FLNB: variants seen among roughly 807,000 people sequenced by gnomAD.
FLNB encodes the protein filamin-B.
In FLNB, 111 loss-of-function variants were observed where a neutral mutation model predicts 250.6. The observed-to-expected ratio is 0.44, with a 90% confidence interval of 0.38 to 0.52. The LOEUF (loss-of-function observed/expected upper bound fraction) is 0.52. Ranked by LOEUF, FLNB falls within the 20% of genes least tolerant of loss-of-function variation. FLNB has a pLI of 0.00. For missense variants in FLNB, 2,869 were observed against 3,447.8 expected (o/e 0.83, Z 4.20); for synonymous variants, 1,302 against 1,372.1 (o/e 0.95, Z 1.13).
At position 58,169,438 on chromosome 3, in the gene FLNB, A is replaced by G; in HGVS notation, c.7418-152A>G. ...GTGGGATCCTAGGGGTTTAGAAGAC[A>G]TTATGGGTGTGAGATACAGGTGTGG... On this transcript the variant is annotated intron_variant, in intron 44 of 45. Transcript: ENST00000295956. This position sits in a 1 kb window ranked among gnomAD's most constrained non-coding sequence, Gnocchi z 4.8. 5 of 704,510 alleles carry G rather than the reference A, an allele frequency of 7.1e-6. No individual in the cohort carries two copies. The highest frequency in any genetic ancestry group is 4.4e-5 in the South Asian group (3 of 68,208). 43.6% of individuals were successfully genotyped at this position (704,510 alleles called of 1,614,324 possible). A position where few individuals can be genotyped will look rare whatever the true frequency, so the allele number is the denominator to read the frequency against.
intron 41 of FLNB, 105 bp from the exon 42 acceptor site, chr3:58,159,449 C>T (rs540451502): frequency 2.1e-4 from 242 of 1,155,316 alleles, no homozygotes; most frequent in Non-Finnish European, 3.0e-4. Context: ...TATAGAAAAA[C>T]CTATTTGCAT....
chr3:58,108,574 A>G lies in FLNB; in HGVS notation c.2055+3A>G. On this transcript the variant is annotated splice_donor_region_variant and intron_variant, in intron 13 of 45. Transcript: ENST00000295956. ...CTCCCTTAAAGATATTTGCTCAGGT[A>G]AATTTCAGGGGGCCACCTGTGCAGG... 1 of 1,586,794 alleles carries G rather than the reference A, an allele frequency of 6.3e-7. No homozygotes were observed. Among genetic ancestry groups the G allele is most frequent in the Non-Finnish European group, 8.7e-7 (1 of 1,155,092 alleles).
intron 1 of FLNB, among the ~76,000 whole-genome samples, chr3:58,066,608 G>T (rs1380392582): frequency 6.6e-6 from 1 of 152,204 alleles, no homozygotes; most frequent in Non-Finnish European, 1.5e-5. Context: ...AAAGTGGTAA[G>T]ATAGTTACTG....
intron 1 of FLNB, among the ~76,000 whole-genome samples, chr3:58,024,429 C>G (rs542196022): frequency 6.6e-6 from 1 of 152,274 alleles, no homozygotes; most frequent in African/African-American, 2.4e-5. Context: ...TCATGCTCCC[C>G]ACCAACCTCC....
intron 20 of FLNB, 57 bp from the exon 21 acceptor site, chr3:58,123,036 C>A: frequency 1.4e-6 from 2 of 1,472,380 alleles, no homozygotes; most frequent in Non-Finnish European, 1.9e-6. Flanking sequence ...GTGTTGAAAG[C>A]AGTGCTGGCT....
At chr3:58,010,779 G>A (rs918028583) in intron 1 of FLNB, among the ~76,000 whole-genome samples, 1 of 152,100 alleles carries the variant, frequency 6.6e-6, no homozygotes, top group Non-Finnish European at 1.5e-5. Context: ...ATCACAGACT[G>A]CCTGATCTAC....
At chr3:58,045,327 A>C (rs1408477601) in intron 1 of FLNB, among the ~76,000 whole-genome samples, 1 of 152,214 alleles carries the variant, frequency 6.6e-6, no homozygotes, top group Non-Finnish European at 1.5e-5. Flanking sequence ...TGCAATGCTG[A>C]GTATGAGTTT....
intron 4 of FLNB, among the ~76,000 whole-genome samples, chr3:58,094,583 T>G (rs562917174): frequency 6.6e-6 from 1 of 152,378 alleles, no homozygotes; most frequent in African/African-American, 2.4e-5. Flanking sequence ...AACCACATTA[T>G]TTCCACAATT....
chr3:58,112,334 C>T lies in FLNB; in HGVS notation c.2745+16C>T, dbSNP rs772940236. ...CACCCAACAGGTAGGGTCCTTCTCC[C>T]CTCTGCTCCCCTGGCCCCCAGCCAG... On this transcript the variant is annotated intron_variant, in intron 18 of 45. Transcript: ENST00000295956. The T allele has an allele frequency of 3.1e-6, 5 of 1,611,638 alleles. No homozygotes were observed. The highest frequency in any genetic ancestry group is 4.2e-6 in the Non-Finnish European group (5 of 1,179,132).
rs1238135005 is a variant in FLNB, at chr3:58,148,807, C to T, written c.6046C>T (p.Arg2016Trp). ...CTATGGCCGCGGCCTGTCAGAAGGC[C>T]GGACTTTCGAGATGTCTGACTTCAT... ...KVYGRGLSEG[R>W]TFEMSDFIVD... The change falls in exon 36 of 46, where the codon CGG becomes TGG. Residue 2016 changes from arginine (R) to tryptophan (W), a missense_variant. By Grantham distance (101) the Arg-to-Trp change is moderately radical (BLOSUM62 -3). This residue lies in a region of FLNB where 1,084 missense variants were observed against 1,315.5 expected (regional missense o/e 0.82). Transcript: ENST00000295956. The T allele has an allele frequency of 3.7e-6, 6 of 1,613,902 alleles. No homozygotes were observed. The highest frequency in any genetic ancestry group is 2.2e-5 in the East Asian group (1 of 44,866).
chr3:58,078,183 A>T (rs557086870), intron 2 of FLNB: 1 of 997,832 alleles, frequency 1.0e-6, no homozygotes, highest in Non-Finnish European at 1.3e-6. Flanking sequence ...TGATTTCCTA[A>T]TATCCTCTTC....
chr3:58,090,337 C>G (rs1391711276), intron 4 of FLNB, among the ~76,000 whole-genome samples: 1 of 152,094 alleles, frequency 6.6e-6, no homozygotes, highest in Non-Finnish European at 1.5e-5. Flanking sequence ...GAAGGACTTG[C>G]TTGAGGCTGC....
intron 33 of FLNB, 87 bp downstream of exon 33, chr3:58,146,136 G>T: frequency 1.4e-6 from 2 of 1,416,922 alleles, no homozygotes; most frequent in Admixed American, 3.5e-5. Flanking sequence ...TTTTAAAAGT[G>T]AGACAATCGA....
rs371692894 is a variant in FLNB, at chr3:58,130,915, G to A, written c.4390+7G>A. 3 of 1,608,400 alleles carry A rather than the reference G, an allele frequency of 1.9e-6. No homozygotes were observed. Among genetic ancestry groups the A allele is most frequent in the African/African-American group, 2.7e-5 (2 of 74,822 alleles). Reference sequence around the variant, plus strand: ...AGGGTTCTGGGCCCACGAGGTAAGTGTGCACCCTGCCTTCCTGCAGACATT... The same window carrying A: ...AGGGTTCTGGGCCCACGAGGTAAGTATGCACCCTGCCTTCCTGCAGACATT... On this transcript the variant is annotated splice_region_variant and intron_variant, in intron 25 of 45. Transcript: ENST00000295956.
At chr3:58,051,847 A>G (rs2097162941) in intron 1 of FLNB, among the ~76,000 whole-genome samples, 1 of 152,038 alleles carries the variant, frequency 6.6e-6, no homozygotes, top group African/African-American at 2.4e-5. Flanking sequence ...GACCTGTTGG[A>G]GAGTTGGGCT....
intron 10 of FLNB, 78 bp downstream of exon 10, chr3:58,104,163 G>C (rs1005619387): frequency 1.3e-5 from 20 of 1,489,816 alleles, no homozygotes; most frequent in South Asian, 9.5e-5. Context: ...TGCTTCCCGG[G>C]CTGCAGGAGG....
chr3:58,082,664 A>G (rs1437765368), intron 4 of FLNB, among the ~76,000 whole-genome samples: 1 of 151,828 alleles, frequency 6.6e-6, no homozygotes, highest in South Asian at 2.1e-4. Context: ...CCAGCTATTC[A>G]GGAGGCTGAG....
At chr3:58,125,434 C>T in intron 22 of FLNB, 147 bp from the exon 23 acceptor site, 2 of 959,124 alleles carry the variant, frequency 2.1e-6, no homozygotes, top group Non-Finnish European at 3.2e-6. Flanking sequence ...CCCCCAGCCA[C>T]ATTACTGTGT....
Position 58,130,879 on chromosome 3 carries a change from C to T in FLNB, c.4361C>T (p.Pro1454Leu), listed in dbSNP as rs555120260. 22 of 1,612,464 alleles carry T rather than the reference C, an allele frequency of 1.4e-5. No homozygotes were observed. The highest frequency in any genetic ancestry group is 2.2e-5 in the South Asian group (2 of 90,754). The change falls in exon 25 of 46, where the codon CCG becomes CTG. Residue 1454 changes from proline (P) to leucine (L), a missense_variant. Coordinates refer to ENST00000295956, the MANE Select transcript of FLNB (RefSeq NM_001457.4). ...GACAGCAGCAAGGCTGGCCTGGCTC[C>T]GCTGGAAGTGAGGGTTCTGGGCCCA... ...TVDSSKAGLAPLEVRVLGPRG... is the reference protein window; with the variant it reads ...TVDSSKAGLALLEVRVLGPRG...
Sources: allele counts gnomAD v4.1 joint callset (sites outside exome capture counted in the v4.1 genomes callset), GRCh38; gene constraint gnomAD v4.1.1; regional missense constraint gnomAD v4.1.1; non-coding constraint Gnocchi (gnomAD v3.1); transcripts MANE v1.5; gene names NCBI Gene and HGNC (gene_info 2026-07-23, HGNC 2026-07-21).